CRPPA: variants seen among roughly 807,000 people sequenced by gnomAD.
CRPPA encodes CDP-L-ribitol pyrophosphorylase A.
CRPPA carries 43 observed loss-of-function variants against 52.0 expected under a neutral mutation model. The ratio of observed to expected loss-of-function variants is 0.83; its 90% CI spans 0.65 to 1.07. CRPPA has a LOEUF of 1.07. Ranked by LOEUF, CRPPA falls within the 50% of genes least tolerant of loss-of-function variation. The pLI, the probability that CRPPA is intolerant of heterozygous loss-of-function variation, is 0.00. For synonymous variants in CRPPA, 250 were observed against 203.5 expected, an observed-to-expected ratio of 1.23 and a Z score of -1.94; for missense variants, 629 against 551.7, an observed-to-expected ratio of 1.14 and a Z score of -1.40.
At chr7:16,385,115 T>A (rs1228351845) in intron 2 of CRPPA, among the ~76,000 whole-genome samples, 1 of 150,320 alleles carries the variant, frequency 6.7e-6, no homozygotes, top group Non-Finnish European at 1.5e-5. Flanking sequence ...CGTAATACAA[T>A]CCAAACAAAT....
intron 5 of CRPPA, among the ~76,000 whole-genome samples, chr7:16,288,180 T>C (rs964564752): frequency 1.3e-4 from 20 of 152,108 alleles, no homozygotes; most frequent in African/African-American, 3.9e-4. Flanking sequence ...GGCAGACTAA[T>C]ATATACATTT....
At chr7:16,246,034 T>C (rs1379505811) in intron 8 of CRPPA, among the ~76,000 whole-genome samples, 1 of 152,162 alleles carries the variant, frequency 6.6e-6, no homozygotes, top group African/African-American at 2.4e-5. Flanking sequence ...CCTAGAGTGA[T>C]CCTTCTTTTC....
intron 8 of CRPPA, among the ~76,000 whole-genome samples, chr7:16,249,483 G>A (rs1195848548): frequency 6.6e-6 from 1 of 152,168 alleles, no homozygotes. Flanking sequence ...GGAGAGCTCT[G>A]GCTGGCATCT....
chr7:16,198,993 GA>G (rs1781794485), intron 9 of CRPPA, among the ~76,000 whole-genome samples: 1 of 152,110 alleles, frequency 6.6e-6, no homozygotes, highest in Non-Finnish European at 1.5e-5. Context: ...TGAGTAAACA[GA>G]ATCTTAACTT....
At chr7:16,213,476 C>T (rs909860353) in intron 9 of CRPPA, among the ~76,000 whole-genome samples, 1 of 151,794 alleles carries the variant, frequency 6.6e-6, no homozygotes, top group Non-Finnish European at 1.5e-5. Context: ...TGGCCAGGCG[C>T]GGTGGCTCAC....
chr7:16,152,834 G>C (rs1410660111), intron 9 of CRPPA, among the ~76,000 whole-genome samples: 1 of 151,882 alleles, frequency 6.6e-6, no homozygotes, highest in African/African-American at 2.4e-5. Flanking sequence ...AATATATAAA[G>C]TTCTCAAAAT....
At position 16,247,233 on chromosome 7, in the gene CRPPA, C is replaced by G. The variant is rs144855991; in HGVS notation, c.1119+11157G>C. On this transcript the variant is annotated intron_variant, in intron 8 of 9. Transcript: ENST00000407010. ...TCTGTAACTTCTTCACTTTCTGCAGCCTTCACAGAATTGAAGGGAATTAGG... is the reference window on the plus strand; with the variant it reads ...TCTGTAACTTCTTCACTTTCTGCAGGCTTCACAGAATTGAAGGGAATTAGG... Among the ~76,000 whole-genome samples the G allele has an allele frequency of 9.9e-3, 1,505 of 152,314 alleles. 31 individuals are homozygous for G. The highest frequency in any genetic ancestry group is 0.035 in the African/African-American group (1,460 of 41,560).
In CRPPA at chr7:16,171,542, G is replaced by A. The variant is rs540754143; in HGVS notation, c.1251+44524C>T. On this transcript the variant is annotated intron_variant, in intron 9 of 9. Transcript: ENST00000407010. ...AGCACTTTGGGAGGCCAAGGCGGGTGGATCACGAGGTCAGGAAATCGAGAC... is the reference window on the plus strand; with the variant it reads ...AGCACTTTGGGAGGCCAAGGCGGGTAGATCACGAGGTCAGGAAATCGAGAC... Among the ~76,000 whole-genome samples the A allele has an allele frequency of 2.6e-5, 4 of 152,174 alleles. No individual in the cohort carries two copies. The South Asian group carries it at 8.3e-4, about 32-fold the overall frequency.
chr7:16,121,124 GAA>G (rs1402271328), intron 9 of CRPPA, among the ~76,000 whole-genome samples: 1 of 152,034 alleles, frequency 6.6e-6, no homozygotes, highest in Non-Finnish European at 1.5e-5. Flanking sequence ...GGTAATGACT[GAA>G]AAACTCAGAG....
At chr7:16,170,678 G>A (rs928887392) in intron 9 of CRPPA, among the ~76,000 whole-genome samples, 9 of 152,202 alleles carry the variant, frequency 5.9e-5, no homozygotes, top group African/African-American at 1.7e-4. Flanking sequence ...AGAGGGAGCA[G>A]GCTCGGAGCA....
intron 9 of CRPPA, among the ~76,000 whole-genome samples, chr7:16,125,896 CACACACACA>C (rs1782570328): frequency 2.2e-5 from 1 of 44,604 alleles, no homozygotes; most frequent in Non-Finnish European, 5.7e-5. Flanking sequence ...CCTACACACA[CACACACACA>C]CACACACACA....
rs73684109 is a variant in CRPPA at position 16,259,222 on chromosome 7, T to A, written c.934-210A>T. 0.012 allele frequency among the ~76,000 whole-genome samples: 1,864 copies of A among 152,054 alleles called. 40 individuals carry two copies. The highest frequency in any genetic ancestry group is 0.043 in the African/African-American group (1,795 of 41,506). On this transcript the variant is annotated intron_variant, in intron 6 of 9. Transcript: ENST00000407010. ...TAATGCATATTTTAGCAAACAAGGATATAGAAAATTGTTTCACATAGGAAA... is the reference window on the plus strand; with the variant it reads ...TAATGCATATTTTAGCAAACAAGGAAATAGAAAATTGTTTCACATAGGAAA...
chr7:16,218,936 G>A (rs909062791), intron 8 of CRPPA, among the ~76,000 whole-genome samples: 2 of 152,030 alleles, frequency 1.3e-5, no homozygotes, highest in South Asian at 2.1e-4. Flanking sequence ...TCTGCACCAA[G>A]CAGACCTAAT....
intron 8 of CRPPA, among the ~76,000 whole-genome samples, chr7:16,231,389 T>G (rs1216880967): frequency 6.6e-6 from 1 of 152,184 alleles, no homozygotes; most frequent in Non-Finnish European, 1.5e-5. Context: ...TGTCATCTTG[T>G]TCCACCCATC....
At chr7:16,413,525 C>A (rs1788119627) in intron 1 of CRPPA, among the ~76,000 whole-genome samples, 1 of 152,214 alleles carries the variant, frequency 6.6e-6, no homozygotes, top group African/African-American at 2.4e-5. Flanking sequence ...GAGCTATCAA[C>A]ACTAGCTACT....
chr7:16,217,362 GAAACTCTA>G, intron 8 of CRPPA, among the ~76,000 whole-genome samples: 1 of 151,998 alleles, frequency 6.6e-6, no homozygotes, highest in Non-Finnish European at 1.5e-5. Context: ...AGAAAAACTG[GAAACTCTA>G]AAACGCAGAG....
chr7:16,321,222 T>C (rs1447013391), intron 3 of CRPPA, among the ~76,000 whole-genome samples: 1 of 152,186 alleles, frequency 6.6e-6, no homozygotes, highest in Non-Finnish European at 1.5e-5. Flanking sequence ...TCAGTAACCC[T>C]ATAACTGTCT....
At chr7:16,306,330 G>A (rs867297332) in intron 4 of CRPPA, among the ~76,000 whole-genome samples, 4 of 152,184 alleles carry the variant, frequency 2.6e-5, no homozygotes, top group Admixed American at 6.5e-5. Context: ...AGCACTGTGT[G>A]GAAAGGCCAA....
intron 9 of CRPPA, among the ~76,000 whole-genome samples, chr7:16,097,657 T>C (rs1296186058): frequency 6.6e-6 from 1 of 152,208 alleles, no homozygotes; most frequent in Admixed American, 6.5e-5. Flanking sequence ...GGTTCTTTTG[T>C]GATGACTATA....
Sources: gnomAD v4.1 joint callset for allele counts (sites outside exome capture counted in the v4.1 genomes callset) on GRCh38, gnomAD v4.1.1 for gene constraint, MANE v1.5 for transcripts, NCBI Gene and HGNC (gene_info 2026-07-23, HGNC 2026-07-21) for gene names.